The following FBXL7 variants were observed in gnomAD, a reference collection of about 807,000 sequenced individuals.
FBXL7 encodes the protein F-box and leucine rich repeat protein 7.
FBXL7 carries 12 observed loss-of-function variants against 38.3 expected under a neutral mutation model. That is an observed-to-expected ratio of 0.31 (90% CI 0.20 to 0.51). The LOEUF (loss-of-function observed/expected upper bound fraction) is 0.51, where lower values mean the gene tolerates loss of function less well. FBXL7 is among the 20% of genes least tolerant of loss of function. FBXL7 has a pLI of 0.98. For missense variants in FBXL7, 567 were observed against 676.4 expected (o/e 0.84, Z 1.79); for synonymous variants, 297 against 300.9 (o/e 0.99, Z 0.13).
intron 2 of FBXL7, among the ~76,000 whole-genome samples, chr5:15,674,634 A>G (rs1000487130): frequency 6.6e-6 from 1 of 152,212 alleles, no homozygotes. Flanking sequence ...TTTTGGTTTT[A>G]ACTAAAAAAA....
intron 2 of FBXL7, among the ~76,000 whole-genome samples, chr5:15,889,372 A>G (rs899737074): frequency 4.6e-5 from 7 of 152,214 alleles, no homozygotes; most frequent in African/African-American, 1.7e-4. Context: ...ACTTCTGAGT[A>G]TCTTCCTCAT....
intron 1 of FBXL7, among the ~76,000 whole-genome samples, chr5:15,599,327 A>G (rs115749876): frequency 0.019 from 2,847 of 152,280 alleles, 36 homozygotes; most frequent in Non-Finnish European, 0.029. Context: ...GGTGGCTGAA[A>G]TACACATATG....
chr5:15,711,727 GATCCTGAAAGATTGAA>G (rs1409795496), intron 2 of FBXL7, among the ~76,000 whole-genome samples: 1 of 152,146 alleles, frequency 6.6e-6, no homozygotes, highest in Non-Finnish European at 1.5e-5. Context: ...CTATTGTGAA[GATCCTGAAAGATTGAA>G]ATCCTGAAAG....
chr5:15,786,674 A>G (rs1108418), intron 2 of FBXL7, among the ~76,000 whole-genome samples: 1 of 152,230 alleles, frequency 6.6e-6, no homozygotes, highest in Admixed American at 6.5e-5. Flanking sequence ...AGATACTTTT[A>G]AACCTGTGCT....
At chr5:15,840,732 A>T (rs1026846078) in intron 2 of FBXL7, among the ~76,000 whole-genome samples, 1 of 151,688 alleles carries the variant, frequency 6.6e-6, no homozygotes, top group African/African-American at 2.4e-5. Flanking sequence ...TTGTAGTCTC[A>T]GCTACTTGGG....
At chr5:15,713,570 T>C (rs1010723080) in intron 2 of FBXL7, among the ~76,000 whole-genome samples, 4 of 152,224 alleles carry the variant, frequency 2.6e-5, no homozygotes, top group African/African-American at 7.2e-5. Context: ...CCCTGTCTTA[T>C]AGGTTTATAT....
chr5:15,556,052 T>C (rs1281820106), intron 1 of FBXL7, among the ~76,000 whole-genome samples: 1 of 151,256 alleles, frequency 6.6e-6, no homozygotes, highest in East Asian at 2.0e-4. Context: ...TCATCTATTA[T>C]CTATCATTAT....
intron 2 of FBXL7, among the ~76,000 whole-genome samples, chr5:15,649,908 T>A (rs1741650847): frequency 6.6e-6 from 1 of 152,202 alleles, no homozygotes; most frequent in Non-Finnish European, 1.5e-5. Context: ...CTTCAGGTGG[T>A]AAGCTTTTCC....
At chr5:15,733,091 GTTTC>G (rs1044572646) in intron 2 of FBXL7, among the ~76,000 whole-genome samples, 18 of 148,174 alleles carry the variant, frequency 1.2e-4, no homozygotes, top group East Asian at 6.0e-4. Flanking sequence ...CATGTTTTTT[GTTTC>G]TTTCTTTCTT....
Position 15,939,414 on chromosome 5 carries a change from G to A in FBXL7, c.*2228G>A, listed in dbSNP as rs1742284986. 1 of 190,886 alleles carries A rather than the reference G, an allele frequency of 5.2e-6. No homozygotes were observed. The highest frequency in any genetic ancestry group is 1.1e-5 in the Non-Finnish European group (1 of 93,910). 11.8% of individuals were successfully genotyped at this position (190,886 alleles called of 1,614,324 possible). ...GAATGAGCAGGGAGATCCAGAGAAT[G>A]AATCCCTGACCGCATCACCTAAACT... On this transcript the variant is annotated 3_prime_UTR_variant, in exon 4 of 4. Coordinates refer to ENST00000504595, the MANE Select transcript of FBXL7 (RefSeq NM_012304.5).
intron 2 of FBXL7, among the ~76,000 whole-genome samples, chr5:15,790,410 G>T (rs1028899461): frequency 6.6e-6 from 1 of 152,056 alleles, no homozygotes; most frequent in Non-Finnish European, 1.5e-5. Context: ...TAGAGTTGTC[G>T]TGAGCTTTAA....
At chr5:15,721,925 C>T (rs1335163746) in intron 2 of FBXL7, among the ~76,000 whole-genome samples, 1 of 152,120 alleles carries the variant, frequency 6.6e-6, no homozygotes, top group African/African-American at 2.4e-5. Flanking sequence ...ACCTCTGCCT[C>T]CCAGGTTCAA....
intron 2 of FBXL7, among the ~76,000 whole-genome samples, chr5:15,912,294 G>A (rs1189409329): frequency 1.8e-5 from 2 of 113,498 alleles, no homozygotes; most frequent in Non-Finnish European, 3.5e-5. Context: ...TTTTCCAGGT[G>A]CGTCCGTCAC....
intron 2 of FBXL7, among the ~76,000 whole-genome samples, chr5:15,840,987 A>G (rs1048167269): frequency 6.6e-6 from 1 of 152,126 alleles, no homozygotes; most frequent in Non-Finnish European, 1.5e-5. Context: ...ATTAAGGCCT[A>G]TAGCAATGTC....
intron 2 of FBXL7, among the ~76,000 whole-genome samples, chr5:15,896,883 C>G (rs148680895): frequency 3.3e-5 from 5 of 152,118 alleles, no homozygotes; most frequent in Non-Finnish European, 5.9e-5. Context: ...CCTGTAATCC[C>G]GGCATTTTGG....
At chr5:15,761,557 T>A (rs1736440063) in intron 2 of FBXL7, among the ~76,000 whole-genome samples, 4 of 152,234 alleles carry the variant, frequency 2.6e-5, no homozygotes, top group Admixed American at 2.6e-4. Flanking sequence ...TTATTTATTT[T>A]TTTGAAACAG....
chr5:15,771,646 G>GCA (rs1174417508), intron 2 of FBXL7, among the ~76,000 whole-genome samples: 4 of 151,974 alleles, frequency 2.6e-5, no homozygotes, highest in Non-Finnish European at 5.9e-5. Flanking sequence ...ACTCAATGTA[G>GCA]GTATTACTGA....
intron 2 of FBXL7, among the ~76,000 whole-genome samples, chr5:15,826,871 C>T (rs988295703): frequency 6.6e-6 from 1 of 151,194 alleles, no homozygotes; most frequent in African/African-American, 2.4e-5. Flanking sequence ...TTCTCGTAGT[C>T]TCCTGACATT....
intron 2 of FBXL7, among the ~76,000 whole-genome samples, chr5:15,624,180 A>G (rs1740735013): frequency 6.6e-6 from 1 of 152,096 alleles, no homozygotes; most frequent in Non-Finnish European, 1.5e-5. Context: ...ATCCTTAGTT[A>G]TTGCTATGGT....
Sources: gnomAD v4.1 joint callset for allele counts (sites outside exome capture counted in the v4.1 genomes callset) on GRCh38, gnomAD v4.1.1 for gene constraint, MANE v1.5 for transcripts, NCBI Gene and HGNC (gene_info 2026-07-23, HGNC 2026-07-21) for gene names.